SCFD1: variants seen among roughly 807,000 people sequenced by gnomAD.
The protein encoded by SCFD1 is sec1 family domain-containing protein 1.
A neutral mutation model predicts 103.2 loss-of-function variants in SCFD1; 37 were observed. The ratio of observed to expected loss-of-function variants is 0.36; its 90% CI spans 0.28 to 0.47. The LOEUF (loss-of-function observed/expected upper bound fraction) is 0.47, where lower values mean the gene tolerates loss of function less well. Ranked by LOEUF, SCFD1 falls within the 20% of genes least tolerant of loss-of-function variation. SCFD1 has a pLI of 1.00. For synonymous variants in SCFD1, 264 were observed against 245.0 expected (o/e 1.08, Z -0.73); for missense variants, 639 against 761.2 (o/e 0.84, Z 1.89).
intron 1 of SCFD1, among the ~76,000 whole-genome samples, chr14:30,623,989 T>A (rs1416958613): frequency 6.6e-6 from 1 of 152,230 alleles, no homozygotes; most frequent in East Asian, 1.9e-4. Context: ...GAGCATTTAC[T>A]ATTGTTAGGC....
chr14:30,622,469 G>C (rs1482045240), intron 1 of SCFD1, 70 bp downstream of exon 1: 2 of 1,533,744 alleles, frequency 1.3e-6, no homozygotes, highest in African/African-American at 2.7e-5. Flanking sequence ...TCTGGTGCGT[G>C]CAGCTCAGAG....
intron 17 of SCFD1, among the ~76,000 whole-genome samples, chr14:30,703,329 A>G (rs1424912583): frequency 6.7e-6 from 1 of 148,760 alleles, no homozygotes; most frequent in Non-Finnish European, 1.5e-5. Context: ...GTCACATTTG[A>G]GCCAAAACTT....
intron 15 of SCFD1, among the ~76,000 whole-genome samples, chr14:30,699,984 C>T (rs1594726517): frequency 6.6e-6 from 1 of 152,086 alleles, no homozygotes; most frequent in African/African-American, 2.4e-5. Flanking sequence ...TAATCACAGC[C>T]CTCTAATCCC....
intron 11 of SCFD1, among the ~76,000 whole-genome samples, chr14:30,670,764 A>C: frequency 6.6e-6 from 1 of 152,038 alleles, no homozygotes; most frequent in East Asian, 1.9e-4. Flanking sequence ...TGTTGCCCTC[A>C]TGTAAACCTT....
intron 9 of SCFD1, chr14:30,652,497 A>G (rs985103195): frequency 7.2e-5 from 11 of 152,018 alleles, no homozygotes; most frequent in African/African-American, 2.4e-4. Flanking sequence ...AGTCTGCTTG[A>G]GTTTGTGTTT....
intron 23 of SCFD1, among the ~76,000 whole-genome samples, chr14:30,725,501 A>T (rs776966649): frequency 6.6e-6 from 1 of 152,146 alleles, no homozygotes; most frequent in Non-Finnish European, 1.5e-5. Context: ...TTACTGTTGT[A>T]TAGGCATGCT....
chr14:30,680,132 G>T (rs1302621398), intron 14 of SCFD1, among the ~76,000 whole-genome samples: 1 of 152,052 alleles, frequency 6.6e-6, no homozygotes, highest in Non-Finnish European at 1.5e-5. Flanking sequence ...ACTTTTTCTT[G>T]CTCTTGGCTC....
At chr14:30,679,831 T>C (rs1472582927) in intron 14 of SCFD1, among the ~76,000 whole-genome samples, 1 of 152,214 alleles carries the variant, frequency 6.6e-6, no homozygotes, top group African/African-American at 2.4e-5. Context: ...TCTTGTCCAG[T>C]ATGCATATCA....
intron 21 of SCFD1, among the ~76,000 whole-genome samples, chr14:30,720,916 G>T (rs533138490): frequency 2.0e-5 from 3 of 152,256 alleles, no homozygotes; most frequent in Admixed American, 1.3e-4. Flanking sequence ...TGTAGTTTAT[G>T]CATGGTAATG....
At chr14:30,679,295 T>A (rs1168376543) in intron 14 of SCFD1, among the ~76,000 whole-genome samples, 1 of 152,122 alleles carries the variant, frequency 6.6e-6, no homozygotes, top group Non-Finnish European at 1.5e-5. Context: ...TGTATGAGTA[T>A]GAAAAGATTG....
chr14:30,693,548 C>G (rs1347658592), intron 14 of SCFD1, among the ~76,000 whole-genome samples: 1 of 152,116 alleles, frequency 6.6e-6, no homozygotes, highest in Non-Finnish European at 1.5e-5. Flanking sequence ...ATGTTTCTAC[C>G]TTGTGCCTTG....
At chr14:30,663,932 G>A (rs187508912) in intron 10 of SCFD1, among the ~76,000 whole-genome samples, 15 of 152,278 alleles carry the variant, frequency 9.9e-5, no homozygotes, top group Admixed American at 8.5e-4. Flanking sequence ...ATAGTGCCTT[G>A]CAAATGAAAG....
Position 30,691,721 on chromosome 14 carries a change from A to T in SCFD1, c.1243-3052A>T, listed in dbSNP as rs559090579. 6.6e-5 allele frequency among the ~76,000 whole-genome samples: 10 copies of T among 152,290 alleles called. No individual in the cohort carries two copies. In the East Asian group the frequency reaches 1.9e-3, roughly 29 times the overall value. On this transcript the variant is annotated intron_variant, in intron 14 of 24. Coordinates refer to ENST00000458591, the MANE Select transcript of SCFD1 (RefSeq NM_016106.4). ...AATGTTAAAGCATTTTTGTCACCTC[A>T]AAAAGAAACCCCCTACCTAGTACCA...
chr14:30,693,283 A>G (rs1189045799), intron 14 of SCFD1, among the ~76,000 whole-genome samples: 1 of 152,206 alleles, frequency 6.6e-6, no homozygotes, highest in Non-Finnish European at 1.5e-5. Context: ...TTGCACAAAG[A>G]AACTCTAAAA....
At chr14:30,682,709 A>G (rs1178071643) in intron 14 of SCFD1, among the ~76,000 whole-genome samples, 1 of 152,194 alleles carries the variant, frequency 6.6e-6, no homozygotes, top group Non-Finnish European at 1.5e-5. Flanking sequence ...TGGATATCCA[A>G]ATACAGCCCT....
intron 14 of SCFD1, among the ~76,000 whole-genome samples, chr14:30,682,814 A>G (rs574938128): frequency 3.3e-5 from 5 of 152,362 alleles, no homozygotes; most frequent in African/African-American, 1.2e-4. Flanking sequence ...GTGATATTCT[A>G]AAAGTCTGGT....
chr14:30,633,218 G>GACT (rs1447988665), intron 3 of SCFD1, among the ~76,000 whole-genome samples: 1 of 152,184 alleles, frequency 6.6e-6, no homozygotes, highest in Non-Finnish European at 1.5e-5. Flanking sequence ...CTCACTGGCA[G>GACT]CATGTGCCTC....
chr14:30,712,129 T>G (rs1244023737), intron 19 of SCFD1, among the ~76,000 whole-genome samples: 2 of 152,178 alleles, frequency 1.3e-5, no homozygotes, highest in East Asian at 3.9e-4. Context: ...TTCACTTCAC[T>G]GGCAACTTTC....
Position 30,705,888 on chromosome 14 carries a change from A to T in SCFD1, c.1553+3A>T. ...AGCACTACCACTAAACCAATGGGGT[A>T]AGTATTTTTAATAATTCTTTTGCAT... is the stretch of plus-strand genomic sequence containing the variant. On this transcript the variant is annotated splice_donor_region_variant and intron_variant, in intron 18 of 24. Transcript: ENST00000458591. 1 of 1,609,300 alleles carries T rather than the reference A, an allele frequency of 6.2e-7. No individual in the cohort carries two copies. Among genetic ancestry groups the T allele is most frequent in the Non-Finnish European group, 8.5e-7 (1 of 1,176,144 alleles).
Sources: gnomAD v4.1 joint callset for allele counts (sites outside exome capture counted in the v4.1 genomes callset) on GRCh38, gnomAD v4.1.1 for gene constraint, MANE v1.5 for transcripts, NCBI Gene and HGNC (gene_info 2026-07-23, HGNC 2026-07-21) for gene names.